CXADR: variants seen among roughly 807,000 people sequenced by gnomAD.
The protein encoded by CXADR is coxsackievirus and adenovirus receptor.
A neutral mutation model predicts 40.3 loss-of-function variants in CXADR; 20 were observed. The ratio of observed to expected loss-of-function variants is 0.50; its 90% CI spans 0.35 to 0.72. CXADR has a LOEUF of 0.72. CXADR is among the 30% of genes least tolerant of loss of function. CXADR has a pLI of 0.01. For synonymous variants in CXADR, 150 were observed against 161.3 expected (o/e 0.93, Z 0.53); for missense variants, 332 against 449.1 (o/e 0.74, Z 2.36).
the CXADR span, among the ~76,000 whole-genome samples, chr21:17,606,442 C>A: frequency 1.3e-5 from 2 of 151,986 alleles, no homozygotes; most frequent in African/African-American, 4.8e-5. Context: ...ACTGCTTAGT[C>A]CTTTTAAAAA....
chr21:17,514,235 G>C (rs2060429790), intron 1 of CXADR, among the ~76,000 whole-genome samples: 1 of 152,058 alleles, frequency 6.6e-6, no homozygotes, highest in Non-Finnish European at 1.5e-5. Flanking sequence ...TCTGAAGCAG[G>C]ATCTAGTGGC....
chr21:17,619,093 A>C, the CXADR span, among the ~76,000 whole-genome samples: 1 of 152,326 alleles, frequency 6.6e-6, no homozygotes, highest in East Asian at 1.9e-4. Context: ...GCTGTCATCT[A>C]GGCTTTGTTG....
chr21:17,605,615 T>C, the CXADR span, among the ~76,000 whole-genome samples: 1 of 152,326 alleles, frequency 6.6e-6, no homozygotes, highest in East Asian at 1.9e-4. Flanking sequence ...CCAAGCACTT[T>C]TATTTAAATA....
downstream of CXADR, among the ~76,000 whole-genome samples, chr21:17,574,298 T>G (rs2061302691): frequency 6.6e-6 from 1 of 152,212 alleles, no homozygotes; most frequent in Non-Finnish European, 1.5e-5. Flanking sequence ...GTGAAAAATG[T>G]GATCAGTTTT....
chr21:17,560,737 T>A lies in CXADR; in HGVS notation c.607T>A (p.Ser203Thr). The A allele has an allele frequency of 6.2e-7, 1 of 1,613,708 alleles. No homozygotes were observed. The highest frequency in any genetic ancestry group is 8.5e-7 in the Non-Finnish European group (1 of 1,179,904). Residue 203 changes from serine (S) to threonine (T), a missense_variant, in exon 5 of 7, where the codon TCT becomes ACT. Around this residue, in one of 3 missense-constraint regions of CXADR, gnomAD observed 20 missense variants for 56.4 expected, o/e 0.35. Coordinates refer to ENST00000284878, the MANE Select transcript of CXADR (RefSeq NM_001338.5). ...ATCTGTTATATCTGTAAAAAATGCC[T>A]CTTCTGAGTACTCTGGGACATACAG... The part of the protein sequence containing the change: ...TSSVISVKNA[S>T]SEYSGTYSCT...
chr21:17,552,532 T>G (rs2060981927), intron 3 of CXADR, among the ~76,000 whole-genome samples: 2 of 152,178 alleles, frequency 1.3e-5, no homozygotes, highest in African/African-American at 2.4e-5. Flanking sequence ...ACAGAGTTTA[T>G]TATCCTTCTC....
At chr21:17,558,038 T>G (rs953366702) in intron 3 of CXADR, among the ~76,000 whole-genome samples, 3 of 152,098 alleles carry the variant, frequency 2.0e-5, no homozygotes, top group African/African-American at 7.2e-5. Context: ...GTAGTTGTTC[T>G]AAACAGTTAC....
At chr21:17,534,111 T>A (rs1484291479) in intron 1 of CXADR, among the ~76,000 whole-genome samples, 58 of 85,330 alleles carry the variant, frequency 6.8e-4, no homozygotes, top group African/African-American at 1.2e-3. Context: ...TTTTTTTTTT[T>A]TTTTTTTTTT....
At chr21:17,581,412 T>C (rs540328838) in intron 7 of CXADR, among the ~76,000 whole-genome samples, 1 of 152,192 alleles carries the variant, frequency 6.6e-6, no homozygotes, top group African/African-American at 2.4e-5. Context: ...TATATGAGAG[T>C]GTTTATCCCC....
rs2061238038 is a variant in CXADR at position 17,568,226 on chromosome 21, T to C, written c.*2534T>C. 1.1e-6 allele frequency: 1 copy of C among 916,346 alleles called. No individual in the cohort carries two copies. Among genetic ancestry groups the C allele is most frequent in the Non-Finnish European group, 1.3e-6 (1 of 768,768 alleles). 56.8% of individuals were successfully genotyped at this position (916,346 alleles called of 1,614,324 possible). A position where few individuals can be genotyped will look rare whatever the true frequency, so the allele number is the denominator to read the frequency against. The stretch of plus-strand genomic sequence containing the variant: ...TCACTGCAAGCTCCGCCTCCCAGGT[T>C]CACGCCATTCTCCTGCCTCAGCCTC... On this transcript the variant is annotated 3_prime_UTR_variant, in exon 7 of 7. Coordinates refer to ENST00000284878, the MANE Select transcript of CXADR (RefSeq NM_001338.5).
downstream of CXADR, among the ~76,000 whole-genome samples, chr21:17,594,501 A>G (rs2061478622): frequency 1.3e-5 from 2 of 152,096 alleles, no homozygotes; most frequent in Admixed American, 6.6e-5. Flanking sequence ...TAATAGGCGT[A>G]TAATGTATAA....
intron 1 of CXADR, chr21:17,530,309 G>T (rs1433499729): frequency 4.8e-6 from 2 of 419,354 alleles, no homozygotes; most frequent in Admixed American, 2.7e-5. Flanking sequence ...TAACAATGTA[G>T]ATTAGTGTTA....
chr21:17,574,155 T>C (rs1459892253), downstream of CXADR, among the ~76,000 whole-genome samples: 7 of 152,148 alleles, frequency 4.6e-5, no homozygotes, highest in Admixed American at 4.6e-4. Flanking sequence ...AATCTAACCC[T>C]CTCACCCGTA....
intron 1 of CXADR, chr21:17,519,026 C>G: frequency 6.8e-7 from 1 of 1,477,288 alleles, no homozygotes; most frequent in South Asian, 1.1e-5. Flanking sequence ...GGAGGGTCCT[C>G]CAGCACCAGC....
intron 1 of CXADR, among the ~76,000 whole-genome samples, chr21:17,519,583 T>C (rs901551360): frequency 6.6e-6 from 1 of 152,196 alleles, no homozygotes; most frequent in Admixed American, 6.5e-5. Context: ...ACACCTATTT[T>C]GGTTCTTTCC....
Position 17,566,344 on chromosome 21 carries a change from A to G in CXADR, c.*652A>G, listed in dbSNP as rs1199526593. On this transcript the variant is annotated 3_prime_UTR_variant, in exon 7 of 7. Coordinates refer to ENST00000284878, the MANE Select transcript of CXADR (RefSeq NM_001338.5). ...TAGTTGATAGACTGCTACAGGTAAT[A>G]GGGACTTAGCAAGCTCTTTTATATG... The G allele has an allele frequency of 2.0e-6, 2 of 984,148 alleles. No individual in the cohort carries two copies. The highest frequency in any genetic ancestry group is 3.5e-5 in the African/African-American group (2 of 57,216). 61.0% of individuals were successfully genotyped at this position (984,148 alleles called of 1,614,324 possible).
the CXADR span, among the ~76,000 whole-genome samples, chr21:17,600,095 A>AT: frequency 1.3e-5 from 2 of 151,976 alleles, no homozygotes; most frequent in Non-Finnish European, 2.9e-5. Flanking sequence ...AAGATTTTTG[A>AT]TTTTTTTTAA....
chr21:17,590,348 G>T (rs1569163476), intron 7 of CXADR, among the ~76,000 whole-genome samples: 1 of 151,570 alleles, frequency 6.6e-6, no homozygotes, highest in South Asian at 2.1e-4. Flanking sequence ...AAGTCTTAAT[G>T]GTGAATTTGT....
At chr21:17,534,079 C>G (rs1178958101) in intron 1 of CXADR, among the ~76,000 whole-genome samples, 1 of 77,394 alleles carries the variant, frequency 1.3e-5, no homozygotes, top group Non-Finnish European at 2.7e-5. Context: ...TACACACACA[C>G]ACATATATAT....
Sources: gnomAD v4.1 joint callset for allele counts (sites outside exome capture counted in the v4.1 genomes callset) on GRCh38, gnomAD v4.1.1 for gene constraint, gnomAD v4.1.1 regional missense constraint, MANE v1.5 for transcripts, NCBI Gene and HGNC (gene_info 2026-07-23, HGNC 2026-07-21) for gene names.